Variants in RARB observed in about 807,000 individuals in gnomAD.
The protein encoded by RARB is HBV-activated protein.
A neutral mutation model predicts 51.9 loss-of-function variants in RARB; 17 were observed. The ratio of observed to expected loss-of-function variants is 0.33; its 90% CI spans 0.22 to 0.49. RARB has a LOEUF of 0.49. Among genes scored for constraint, RARB ranks in the 20% least tolerant of loss-of-function variants. The pLI is 0.99. For synonymous variants in RARB, 215 were observed against 195.4 expected, an observed-to-expected ratio of 1.10 and a Z score of -0.84; for missense variants, 369 against 550.8, an observed-to-expected ratio of 0.67 and a Z score of 3.30.
intron 2 of RARB, among the ~76,000 whole-genome samples, chr3:25,056,622 G>T (rs953169838): frequency 2.0e-5 from 3 of 151,992 alleles, no homozygotes; most frequent in African/African-American, 7.2e-5. Context: ...TCATTATAAT[G>T]AATTCTTTAG....
intron 2 of RARB, among the ~76,000 whole-genome samples, chr3:24,870,950 C>T (rs550009052): frequency 6.6e-6 from 1 of 151,946 alleles, no homozygotes; most frequent in South Asian, 2.1e-4. Context: ...ATTATAGTAA[C>T]CCTGTTGTGC....
At chr3:25,182,439 T>C (rs1182156026) in intron 5 of RARB, among the ~76,000 whole-genome samples, 1 of 152,166 alleles carries the variant, frequency 6.6e-6, no homozygotes, top group Non-Finnish European at 1.5e-5. Flanking sequence ...CATATGGGGT[T>C]AGGAAGTAAC....
rs114003013 is a variant in RARB at position 25,219,147 on chromosome 3, G to C, written c.178+44572G>C. On this transcript the variant is annotated intron_variant, in intron 5 of 11. Transcript: ENST00000383772. ...AGACCCTTAAACTGCTTATAGTCAA[G>C]TGGAAGAAAACATTTTATATATAAA... 9.5e-3 allele frequency among the ~76,000 whole-genome samples: 1,450 copies of C among 152,152 alleles called. 23 individuals are homozygous for C. The highest frequency in any genetic ancestry group is 0.033 in the African/African-American group (1,381 of 41,508).
intron 2 of RARB, among the ~76,000 whole-genome samples, chr3:25,484,445 C>T (rs1041903250): frequency 6.6e-6 from 1 of 152,052 alleles, no homozygotes; most frequent in South Asian, 2.1e-4. Flanking sequence ...TCTCCAACCT[C>T]GCTGATTACT....
At chr3:25,477,179 T>TA (rs774578284) in intron 2 of RARB, among the ~76,000 whole-genome samples, 2 of 152,212 alleles carry the variant, frequency 1.3e-5, no homozygotes, top group Non-Finnish European at 2.9e-5. Context: ...AGGCATCCTT[T>TA]ATTCATTTCA....
intron 3 of RARB, among the ~76,000 whole-genome samples, chr3:25,536,607 T>C (rs1240189129): frequency 6.6e-6 from 1 of 152,160 alleles, no homozygotes; most frequent in East Asian, 1.9e-4. Context: ...AAACAAACAA[T>C]CAACAATTTT....
At chr3:25,132,647 A>G (rs944386085) in intron 4 of RARB, among the ~76,000 whole-genome samples, 10 of 151,994 alleles carry the variant, frequency 6.6e-5, no homozygotes, top group Admixed American at 6.6e-4. Context: ...ACAGATATTA[A>G]GCAGTAGAGG....
At chr3:25,591,696 T>C (rs903866315) in intron 5 of RARB, among the ~76,000 whole-genome samples, 2 of 152,208 alleles carry the variant, frequency 1.3e-5, no homozygotes, top group Admixed American at 1.3e-4. Context: ...TACTGTATGT[T>C]AGGGATGAAG....
At chr3:25,261,439 T>C (rs542850297) in intron 5 of RARB, among the ~76,000 whole-genome samples, 7 of 152,246 alleles carry the variant, frequency 4.6e-5, no homozygotes, top group African/African-American at 1.7e-4. Context: ...CATGCTACTG[T>C]CCCCTGAGGT....
intron 3 of RARB, among the ~76,000 whole-genome samples, chr3:25,536,084 A>C (rs1262179508): frequency 6.6e-6 from 1 of 152,310 alleles, no homozygotes; most frequent in East Asian, 1.9e-4. Flanking sequence ...CCTACCCACT[A>C]TACTAAACAA....
intron 5 of RARB, among the ~76,000 whole-genome samples, chr3:25,297,707 G>A (rs371161054): frequency 5.5e-4 from 84 of 152,086 alleles, no homozygotes; most frequent in Middle Eastern, 3.4e-3. Context: ...GCAAGAGATG[G>A]TCCCATTTTT....
At chr3:25,354,325 G>C (rs898832611) in intron 5 of RARB, among the ~76,000 whole-genome samples, 10 of 151,948 alleles carry the variant, frequency 6.6e-5, no homozygotes, top group Non-Finnish European at 1.5e-4. Flanking sequence ...AGGAGACTGT[G>C]GTTTTATAGG....
chr3:25,252,127 A>G (rs1212596239), intron 5 of RARB, among the ~76,000 whole-genome samples: 1 of 152,182 alleles, frequency 6.6e-6, no homozygotes. Context: ...CTTTACTACC[A>G]TTAAATTTTC....
intron 3 of RARB, among the ~76,000 whole-genome samples, chr3:25,084,963 C>A (rs573834362): frequency 2.5e-4 from 38 of 152,040 alleles, no homozygotes; most frequent in Non-Finnish European, 4.9e-4. Context: ...ATGCAATGAG[C>A]ATGACAGACA....
intron 2 of RARB, among the ~76,000 whole-genome samples, chr3:24,976,931 T>G (rs1314112288): frequency 6.6e-6 from 1 of 152,194 alleles, no homozygotes; most frequent in African/African-American, 2.4e-5. Context: ...TTGAATTAAT[T>G]TTTGTGTAAG....
intron 4 of RARB, among the ~76,000 whole-genome samples, chr3:25,151,425 T>G (rs192213004): frequency 6.6e-6 from 1 of 152,334 alleles, no homozygotes; most frequent in Admixed American, 6.5e-5. Context: ...AGACATTAAG[T>G]TTCACTGTAC....
At chr3:25,014,626 T>A (rs1179394598) in intron 2 of RARB, among the ~76,000 whole-genome samples, 1 of 152,122 alleles carries the variant, frequency 6.6e-6, no homozygotes, top group Non-Finnish European at 1.5e-5. Flanking sequence ...CTGCCCATGT[T>A]CCTGATTGAC....
chr3:25,563,124 C>T (rs1700341986), intron 3 of RARB, among the ~76,000 whole-genome samples: 1 of 152,180 alleles, frequency 6.6e-6, no homozygotes, highest in Admixed American at 6.5e-5. Flanking sequence ...CAATTGCTGG[C>T]ACAATGGACA....
intron 5 of RARB, among the ~76,000 whole-genome samples, chr3:25,183,471 A>T (rs1263361099): frequency 1.3e-5 from 2 of 151,968 alleles, no homozygotes; most frequent in Non-Finnish European, 2.9e-5. Flanking sequence ...TTTATTCTTC[A>T]TTTTAAAACC....
Sources: allele counts gnomAD v4.1 joint callset (sites outside exome capture counted in the v4.1 genomes callset), GRCh38; gene constraint gnomAD v4.1.1; transcripts MANE v1.5; gene names NCBI Gene and HGNC (gene_info 2026-07-23, HGNC 2026-07-21).